Variants in WDR25 observed in about 807,000 individuals in gnomAD.
WDR25 encodes WD repeat-containing protein 25.
In WDR25, 35 loss-of-function variants were observed where a neutral mutation model predicts 47.7. The ratio of observed to expected loss-of-function variants is 0.73; its 90% CI spans 0.56 to 0.97. The LOEUF is 0.97. Ranked by LOEUF, WDR25 falls within the 50% of genes least tolerant of loss-of-function variation. WDR25 has a pLI of 0.00. For synonymous variants in WDR25, 248 were observed against 278.9 expected (o/e 0.89, Z 1.10); for missense variants, 634 against 704.7 (o/e 0.90, Z 1.14).
chr14:100,387,675 C>T (rs375053381), intron 2 of WDR25, among the ~76,000 whole-genome samples: 4 of 152,204 alleles, frequency 2.6e-5, no homozygotes, highest in Non-Finnish European at 5.9e-5. Context: ...GAGACTTGTC[C>T]GTGGTCACAC....
chr14:100,381,930 C>T, intron 2 of WDR25, 184 bp downstream of exon 2: 1 of 636,842 alleles, frequency 1.6e-6, no homozygotes, highest in Non-Finnish European at 2.8e-6. Flanking sequence ...CCTTCTGCCC[C>T]AACCCTTCCC....
At chr14:100,454,424 G>T (rs1276208870) in intron 2 of WDR25, 1 of 1,287,278 alleles carries the variant, frequency 7.8e-7, no homozygotes, top group Non-Finnish European at 1.0e-6. Context: ...CTGCAAAACA[G>T]ATGCTTAAAA....
chr14:100,483,679 C>T (rs1900282387), intron 3 of WDR25, among the ~76,000 whole-genome samples: 1 of 152,174 alleles, frequency 6.6e-6, no homozygotes, highest in South Asian at 2.1e-4. Context: ...AGGGTCGTTG[C>T]ATGGTTTATA....
intron 4 of WDR25, among the ~76,000 whole-genome samples, chr14:100,517,106 GTTTTTTTTTTTTT>G (rs796096587): frequency 8.3e-4 from 55 of 65,892 alleles, no homozygotes; most frequent in African/African-American, 3.5e-3. Flanking sequence ...TATCTCCTCT[GTTTTTTTTTTTTT>G]TTTTTTTTTT....
At chr14:100,414,129 G>A (rs915643082) in intron 2 of WDR25, among the ~76,000 whole-genome samples, 2 of 151,464 alleles carry the variant, frequency 1.3e-5, no homozygotes, top group Non-Finnish European at 2.9e-5. Context: ...CCTAGTAGCT[G>A]GGACTACAGG....
At chr14:100,520,297 AT>A (rs35616287) in intron 4 of WDR25, among the ~76,000 whole-genome samples, 39 of 151,976 alleles carry the variant, frequency 2.6e-4, no homozygotes, top group Admixed American at 2.4e-3. Flanking sequence ...GGATTACAGA[AT>A]TTTCTTTACT....
At chr14:100,382,702 T>G (rs1307275726) in intron 2 of WDR25, among the ~76,000 whole-genome samples, 1 of 152,182 alleles carries the variant, frequency 6.6e-6, no homozygotes, top group South Asian at 2.1e-4. Flanking sequence ...GCACCTGATA[T>G]GTAGCGGGTG....
chr14:100,497,334 C>G (rs1403210849), intron 4 of WDR25, among the ~76,000 whole-genome samples: 3 of 152,162 alleles, frequency 2.0e-5, no homozygotes, highest in Non-Finnish European at 4.4e-5. Flanking sequence ...GTTGACATCT[C>G]CAGCTATAGT....
chr14:100,422,487 T>G (rs1197441610), intron 2 of WDR25, among the ~76,000 whole-genome samples: 1 of 152,198 alleles, frequency 6.6e-6, no homozygotes, highest in African/African-American at 2.4e-5. Context: ...CCACCTTCAA[T>G]GGGACGAGCC....
At chr14:100,511,331 G>C (rs1301158905) in intron 4 of WDR25, among the ~76,000 whole-genome samples, 4 of 152,106 alleles carry the variant, frequency 2.6e-5, no homozygotes, top group Non-Finnish European at 4.4e-5. Flanking sequence ...GGTTGCTCAT[G>C]GTTAGTATAT....
intron 2 of WDR25, among the ~76,000 whole-genome samples, chr14:100,418,175 C>T (rs970710764): frequency 1.3e-5 from 2 of 151,284 alleles, no homozygotes; most frequent in African/African-American, 4.8e-5. Flanking sequence ...CTCCTGACCT[C>T]GTGATCCACA....
At chr14:100,410,822 G>A (rs1310669613) in intron 2 of WDR25, among the ~76,000 whole-genome samples, 1 of 146,186 alleles carries the variant, frequency 6.8e-6, no homozygotes, top group Non-Finnish European at 1.5e-5. Flanking sequence ...TCACGCTGTC[G>A]CCCACACTGG....
rs1350908774 is a variant in WDR25, at chr14:100,529,319, C to T, written c.1413+111C>T. On this transcript the variant is annotated intron_variant, in intron 6 of 6. Coordinates refer to ENST00000402312, the MANE Select transcript of WDR25 (RefSeq NM_001161476.3). This position sits in a 1 kb window ranked among gnomAD's most constrained non-coding sequence, Gnocchi z 5.1. ...GGAGCCTCTGTCTGGGTGGATCCTG[C>T]TTTCTGTTTCCTGGGTGAGCGCATG... 5 of 1,497,906 alleles carry T rather than the reference C, an allele frequency of 3.3e-6. No individual in the cohort carries two copies. The highest frequency in any genetic ancestry group is 1.2e-5 in the South Asian group (1 of 83,864). 92.8% of individuals were successfully genotyped at this position (1,497,906 alleles called of 1,614,324 possible). A position where few individuals can be genotyped will look rare whatever the true frequency, so the allele number is the denominator to read the frequency against.
In WDR25 at chr14:100,380,941, T is replaced by C; in HGVS notation, c.17T>C (p.Leu6Pro). The change falls in exon 2 of 7, where the codon CTG (leucine) becomes CCG (proline). Residue 6 changes from leucine to proline, a missense_variant. By Grantham distance (98) the Leu-to-Pro change is moderately conservative. Coordinates refer to ENST00000402312, the MANE Select transcript of WDR25 (RefSeq NM_001161476.3). The stretch of plus-strand genomic sequence containing the variant: ...TGGCTTTGAATGACAGCAAGAACTC[T>C]GTCTTTAATGGCTTCATTGGTAGCG... MTART[L>P]SLMASLVAYD... 1 of 1,612,578 alleles carries C rather than the reference T, an allele frequency of 6.2e-7. No homozygotes were observed. The highest frequency in any genetic ancestry group is 1.1e-5 in the South Asian group (1 of 91,044).
intron 2 of WDR25, among the ~76,000 whole-genome samples, chr14:100,390,307 T>C (rs940888873): frequency 5.3e-5 from 8 of 152,148 alleles, no homozygotes; most frequent in Non-Finnish European, 1.2e-4. Flanking sequence ...TTTTTTGTTT[T>C]GGTGTCTGTG....
intron 2 of WDR25, among the ~76,000 whole-genome samples, chr14:100,464,637 A>C (rs4905959): frequency 0.67 from 93,103 of 139,464 alleles, 33,105 homozygotes; most frequent in African/African-American, 0.92. Context: ...CATCGCATCA[A>C]CCCAGTGCAT....
intron 4 of WDR25, among the ~76,000 whole-genome samples, chr14:100,508,909 A>T (rs1248015456): frequency 1.3e-5 from 2 of 152,078 alleles, no homozygotes; most frequent in East Asian, 3.8e-4. Context: ...GATTTTTTTT[A>T]AAGTTAAACC....
rs190308013 is a variant in WDR25 at position 100,421,424 on chromosome 14, G to A, written c.822+39678G>A. Among the ~76,000 whole-genome samples the A allele has an allele frequency of 1.3e-4, 20 of 152,284 alleles. No individual in the cohort carries two copies. The East Asian group carries it at 2.7e-3, about 21-fold the overall frequency. ...TTGGGAAGCTCACAGAAGAGGGGAG[G>A]AAGCAGGCTGACTTACCCCTGCCCT... On this transcript the variant is annotated intron_variant, in intron 2 of 6. Transcript: ENST00000402312.
In WDR25 at chr14:100,430,042, G is replaced by A. The variant is rs2140229342; in HGVS notation, c.823-37979G>A. ...ACCCCTAGTATGCTGCCTGACACAT[G>A]GCAAGTGCTCAATGAATGTTTGTTA... On this transcript the variant is annotated intron_variant, in intron 2 of 6. Coordinates refer to ENST00000402312, the MANE Select transcript of WDR25 (RefSeq NM_001161476.3). This position sits in a 1 kb window ranked among gnomAD's most constrained non-coding sequence, Gnocchi z 4.7. Among the ~76,000 whole-genome samples, 1 of 152,194 alleles carries A rather than the reference G, an allele frequency of 6.6e-6. No individual in the cohort carries two copies. Among genetic ancestry groups the A allele is most frequent in the Non-Finnish European group, 1.5e-5 (1 of 68,000 alleles).
Sources: gnomAD v4.1 joint callset for allele counts (sites outside exome capture counted in the v4.1 genomes callset) on GRCh38, gnomAD v4.1.1 for gene constraint, Gnocchi (gnomAD v3.1) non-coding constraint, MANE v1.5 for transcripts, NCBI Gene and HGNC (gene_info 2026-07-23, HGNC 2026-07-21) for gene names.